Variants in PCDHA11 observed in about 807,000 individuals in gnomAD.
PCDHA11 encodes protocadherin alpha-11.
In PCDHA11, 61 loss-of-function variants were observed where a neutral mutation model predicts 70.3. The observed-to-expected ratio is 0.87, with a 90% CI of 0.71 to 1.07. The LOEUF is 1.07. Ranked by LOEUF, PCDHA11 falls within the 50% of genes least tolerant of loss-of-function variation. PCDHA11 has a pLI of 0.00. For missense variants in PCDHA11, 1,324 were observed against 1,237.5 expected (o/e 1.07, Z -1.05); for synonymous variants, 633 against 555.1 (o/e 1.14, Z -1.97).
intron 1 of PCDHA11, among the ~76,000 whole-genome samples, chr5:140,938,910 C>T (rs1467187970): frequency 6.6e-6 from 1 of 152,012 alleles, no homozygotes; most frequent in African/African-American, 2.4e-5. Context: ...CACACACACA[C>T]GCACAAGAAA....
At chr5:140,977,141 C>T (rs1264237183) in intron 1 of PCDHA11, among the ~76,000 whole-genome samples, 1 of 152,204 alleles carries the variant, frequency 6.6e-6, no homozygotes, top group Non-Finnish European at 1.5e-5. Flanking sequence ...GTCAGTCCTG[C>T]TGGAACTGTG....
At position 141,006,497 on chromosome 5, in the gene PCDHA11, G is replaced by C. The variant is rs575942325; in HGVS notation, c.2540-3130G>C. Among the ~76,000 whole-genome samples the C allele has an allele frequency of 2.6e-5, 4 of 152,288 alleles. No homozygotes were observed. In the South Asian group the frequency reaches 8.3e-4, roughly 32 times the overall value. ...CAAAGTGCTGGGATTACATGTGTGA[G>C]CCACCGCGCCTGGCTGTTATACATC... On this transcript the variant is annotated intron_variant, in intron 3 of 3. Transcript: ENST00000398640.
At chr5:140,950,219 C>G (rs1173605199) in intron 1 of PCDHA11, among the ~76,000 whole-genome samples, 4 of 151,898 alleles carry the variant, frequency 2.6e-5, no homozygotes, top group African/African-American at 9.7e-5. Flanking sequence ...TAGTCATTTA[C>G]CATTTCTAGT....
Position 140,876,461 on chromosome 5 carries a change from T to C in PCDHA11, c.2391+4967T>C, listed in dbSNP as rs782233071. 28 of 1,613,936 alleles carry C rather than the reference T, an allele frequency of 1.7e-5. No homozygotes were observed. In the East Asian group the frequency reaches 5.8e-4, roughly 33 times the overall value. ...GCCATTGATAAAGGGATTCCTTCCA[T>C]GGCAGGTCACAGCATGGTCCTGGTG... On this transcript the variant is annotated intron_variant, in intron 1 of 3. Coordinates refer to ENST00000398640, the MANE Select transcript of PCDHA11 (RefSeq NM_018902.5).
chr5:140,926,199 G>C (rs541337659), intron 1 of PCDHA11, among the ~76,000 whole-genome samples: 1 of 151,790 alleles, frequency 6.6e-6, no homozygotes, highest in African/African-American at 2.4e-5. Context: ...CACTTCTTTC[G>C]GGGGGCTCCT....
Position 140,928,600 on chromosome 5 carries a change from G to C in PCDHA11, c.2392-50349G>C, listed in dbSNP as rs144698541. ...AAATGGTTCTGTCCCAGTGGAAATT[G>C]TGCCCCGCTCTGCCAGGACTGGACA... On this transcript the variant is annotated intron_variant, in intron 1 of 3. Coordinates refer to ENST00000398640, the MANE Select transcript of PCDHA11 (RefSeq NM_018902.5). 3.1e-6 allele frequency: 5 copies of C among 1,614,090 alleles called. No homozygotes were observed. In the African/African-American group the frequency reaches 6.7e-5, roughly 22 times the overall value.
chr5:140,883,625 C>G (rs1446947181), intron 1 of PCDHA11: 9 of 1,613,872 alleles, frequency 5.6e-6, no homozygotes, highest in Non-Finnish European at 6.8e-6. Context: ...CGACAACGCG[C>G]CGGCGTTCGC....
At chr5:140,954,119 C>T (rs547590061) in intron 1 of PCDHA11, among the ~76,000 whole-genome samples, 2 of 152,156 alleles carry the variant, frequency 1.3e-5, no homozygotes, top group African/African-American at 4.8e-5. Flanking sequence ...AGATCTTGTT[C>T]CTTTTTATGG....
chr5:140,967,736 G>A (rs1554229871), intron 1 of PCDHA11: 4 of 1,614,162 alleles, frequency 2.5e-6, no homozygotes, highest in Non-Finnish European at 3.4e-6. Context: ...TGGGGGGCTG[G>A]ATTATGAGGA....
chr5:141,011,662 G>C lies in PCDHA11; in HGVS notation c.*1725G>C, dbSNP rs1166635893. On this transcript the variant is annotated 3_prime_UTR_variant, in exon 4 of 4. Coordinates refer to ENST00000398640, the MANE Select transcript of PCDHA11 (RefSeq NM_018902.5). The stretch of plus-strand genomic sequence containing the variant: ...CAAGACTTCTGCTGGCAAGGGAATG[G>C]ATAAAGCTGTTTTGTTCTAGTAACA... 2.0e-5 allele frequency: 3 copies of C among 153,688 alleles called. No homozygotes were observed. Among genetic ancestry groups the C allele is most frequent in the African/African-American group, 7.2e-5 (3 of 41,414 alleles). The allele number at this position is 153,688 out of a possible 1,614,324, so 9.5% of individuals were successfully genotyped here.
intron 1 of PCDHA11, among the ~76,000 whole-genome samples, chr5:140,894,069 T>C (rs1209752630): frequency 2.6e-5 from 4 of 152,196 alleles, no homozygotes; most frequent in African/African-American, 9.6e-5. Flanking sequence ...TTTAAATACA[T>C]TTATTTTATT....
chr5:140,882,451 G>T (rs2059142751), intron 1 of PCDHA11: 4 of 1,613,922 alleles, frequency 2.5e-6, no homozygotes, highest in African/African-American at 1.3e-5. Flanking sequence ...AGCTGGTGCC[G>T]CGCCTGTTCC....
Position 141,000,421 on chromosome 5 carries a change from A to ATTTTTTT in PCDHA11, c.2540-9189_2540-9183dup, listed in dbSNP as rs34755515. Among the ~76,000 whole-genome samples the ATTTTTTT allele has an allele frequency of 5.7e-4, 16 of 27,980 alleles. 1 individual carries two copies. Among genetic ancestry groups the ATTTTTTT allele is most frequent in the African/African-American group, 8.9e-4 (5 of 5,638 alleles). 18.4% of individuals were successfully genotyped at this position (27,980 alleles called of 152,430 possible). ...TATATATATATATATATATATATAT[A>ATTTTTTT]TTTTTTTTTTTTTTTTTTTTTTTGA... On this transcript the variant is annotated intron_variant, in intron 3 of 3. Coordinates refer to ENST00000398640, the MANE Select transcript of PCDHA11 (RefSeq NM_018902.5).
intron 1 of PCDHA11, chr5:140,967,227 A>G (rs1586199202): frequency 1.2e-6 from 2 of 1,613,742 alleles, no homozygotes; most frequent in Admixed American, 1.7e-5. Flanking sequence ...CCCAACTACC[A>G]GCTTCAGGTA....
chr5:140,955,987 A>G (rs1185683030), intron 1 of PCDHA11, among the ~76,000 whole-genome samples: 3 of 152,198 alleles, frequency 2.0e-5, no homozygotes, highest in African/African-American at 7.2e-5. Flanking sequence ...CAATTTTTGC[A>G]CATTGATTTT....
chr5:140,958,116 T>G (rs2095410051), intron 1 of PCDHA11, among the ~76,000 whole-genome samples: 1 of 152,060 alleles, frequency 6.6e-6, no homozygotes, highest in African/African-American at 2.4e-5. Context: ...TGGTTCCATT[T>G]TGTAAAATGT....
intron 1 of PCDHA11, chr5:140,875,980 T>A: frequency 6.2e-7 from 1 of 1,614,062 alleles, no homozygotes; most frequent in East Asian, 2.2e-5. Context: ...TCTTTTGACC[T>A]ATGCGTTAAG....
At chr5:140,872,804 A>G (rs918819226) in intron 1 of PCDHA11, among the ~76,000 whole-genome samples, 1 of 152,170 alleles carries the variant, frequency 6.6e-6, no homozygotes, top group Admixed American at 6.5e-5. Flanking sequence ...ATTCTTCCAT[A>G]AGTTTTTCAG....
chr5:140,884,802 A>G, intron 1 of PCDHA11: 1 of 1,232,140 alleles, frequency 8.1e-7, no homozygotes, highest in Non-Finnish European at 1.1e-6. Flanking sequence ...GAATTTAACA[A>G]CTCTGCTGTG....
Sources: allele counts gnomAD v4.1 joint callset (sites outside exome capture counted in the v4.1 genomes callset), GRCh38; gene constraint gnomAD v4.1.1; transcripts MANE v1.5; gene names NCBI Gene and HGNC (gene_info 2026-07-23, HGNC 2026-07-21).